ENPP2: variants seen among roughly 807,000 people sequenced by gnomAD.
ENPP2 encodes the protein autotaxin.
In ENPP2, 51 loss-of-function variants were observed where a neutral mutation model predicts 120.2. The observed-to-expected ratio is 0.42, with a 90% CI of 0.34 to 0.54. The LOEUF (loss-of-function observed/expected upper bound fraction) is 0.54. Ranked by LOEUF, ENPP2 falls within the 20% of genes least tolerant of loss-of-function variation. ENPP2 has a pLI of 0.04. For missense variants in ENPP2, 920 were observed against 1,066.5 expected, an observed-to-expected ratio of 0.86 and a Z score of 1.91; for synonymous variants, 365 against 366.4, an observed-to-expected ratio of 1.00 and a Z score of 0.04.
chr8:119,633,282 G>A (rs1587540741), intron 2 of ENPP2, among the ~76,000 whole-genome samples: 1 of 152,094 alleles, frequency 6.6e-6, no homozygotes, highest in East Asian at 1.9e-4. Flanking sequence ...ATTTAAGTTT[G>A]GAAACATTTA....
At chr8:119,582,285 T>C in intron 18 of ENPP2, 133 bp downstream of exon 18, 1 of 662,106 alleles carries the variant, frequency 1.5e-6, no homozygotes, top group Non-Finnish European at 2.6e-6. Flanking sequence ...AGTTCCTCAG[T>C]CACACTAGCC....
rs780821667 is a variant in ENPP2 at position 119,619,247 on chromosome 8, G to T, written c.476C>A (p.Ala159Glu). Reference sequence around the variant, plus strand: ...AATAGTCATAAAATACACTTACCCTGCAGGGCATTCTGCGGCCTTTATTTC... The same window carrying T: ...AATAGTCATAAAATACACTTACCCTTCAGGGCATTCTGCGGCCTTTATTTC... ...CEEIKAAECP[A>E]GFVRPPLIIF... Residue 159 changes from alanine (A) to glutamate (E), a missense_variant, in exon 5 of 25, where the codon GCA (alanine) becomes GAA (glutamate). Transcript: ENST00000075322. 6.2e-6 allele frequency: 10 copies of T among 1,607,920 alleles called. No individual in the cohort carries two copies. Among genetic ancestry groups the T allele is most frequent in the Non-Finnish European group, 8.5e-6 (10 of 1,174,750 alleles).
At chr8:119,640,298 G>T (rs1817238119), upstream of ENPP2, among the ~76,000 whole-genome samples, 1 of 152,178 alleles carries the variant, frequency 6.6e-6, no homozygotes, top group African/African-American at 2.4e-5. Flanking sequence ...CAAATTTGGA[G>T]TAGGGTATTT....
chr8:119,613,679 T>C (rs1815263043), intron 8 of ENPP2, among the ~76,000 whole-genome samples: 2 of 152,324 alleles, frequency 1.3e-5, no homozygotes, highest in Middle Eastern at 3.4e-3. Context: ...TTTTTTCTTA[T>C]AGTACTTTTA....
At chr8:119,652,182 C>T (rs1310243320) in intron 1 of ENPP2, among the ~76,000 whole-genome samples, 2 of 152,052 alleles carry the variant, frequency 1.3e-5, no homozygotes, top group African/African-American at 4.8e-5. Flanking sequence ...TCACTGTAAC[C>T]TCACATTATG....
intron 5 of ENPP2, among the ~76,000 whole-genome samples, chr8:119,618,650 A>T (rs1182339169): frequency 6.6e-6 from 1 of 151,014 alleles, no homozygotes; most frequent in African/African-American, 2.4e-5. Flanking sequence ...AGCGATTCTC[A>T]TGCCTCTGCC....
At chr8:119,569,920 T>A (rs548851644) in intron 20 of ENPP2, among the ~76,000 whole-genome samples, 1 of 152,250 alleles carries the variant, frequency 6.6e-6, no homozygotes, top group Admixed American at 6.5e-5. Context: ...TTGTGATATA[T>A]ACCTATTTAT....
intron 2 of ENPP2, among the ~76,000 whole-genome samples, chr8:119,628,700 A>T (rs1816449967): frequency 6.6e-6 from 1 of 152,216 alleles, no homozygotes; most frequent in African/African-American, 2.4e-5. Flanking sequence ...CTTTGTGTTT[A>T]AAAATAGAGA....
intron 1 of ENPP2, among the ~76,000 whole-genome samples, chr8:119,660,435 C>G (rs1817888386): frequency 6.6e-6 from 1 of 152,146 alleles, no homozygotes; most frequent in South Asian, 2.1e-4. Flanking sequence ...AGCCTGAGCA[C>G]TTTACCACTA....
At chr8:119,667,704 C>G (rs1818115259) in intron 1 of ENPP2, among the ~76,000 whole-genome samples, 1 of 152,220 alleles carries the variant, frequency 6.6e-6, no homozygotes, top group Non-Finnish European at 1.5e-5. Context: ...TAAGTGGTCT[C>G]TGTCTTACCA....
intron 2 of ENPP2, 89 bp downstream of exon 2, chr8:119,638,336 T>TA: frequency 1.4e-6 from 1 of 710,768 alleles, no homozygotes; most frequent in Non-Finnish European, 2.4e-6. Flanking sequence ...AAGATTGTAT[T>TA]AAAAATAAAT....
chr8:119,650,115 C>T (rs970908651), intron 1 of ENPP2, among the ~76,000 whole-genome samples: 2 of 152,050 alleles, frequency 1.3e-5, no homozygotes, highest in Non-Finnish European at 1.5e-5. Context: ...AATGGATAAA[C>T]GAAATGGGGT....
chr8:119,659,635 G>C (rs1470923984), intron 1 of ENPP2, among the ~76,000 whole-genome samples: 1 of 152,060 alleles, frequency 6.6e-6, no homozygotes, highest in Non-Finnish European at 1.5e-5. Flanking sequence ...TCCTAATCTG[G>C]TCAGATGATC....
chr8:119,562,421 C>T (rs1377508879), intron 24 of ENPP2, among the ~76,000 whole-genome samples: 13 of 152,030 alleles, frequency 8.6e-5, no homozygotes, highest in African/African-American at 1.7e-4. Context: ...CCAGCCTGGG[C>T]GACAGAGCTA....
intron 24 of ENPP2, 124 bp downstream of exon 24, chr8:119,562,733 C>CT (rs1450095502): frequency 5.0e-6 from 5 of 1,007,150 alleles, no homozygotes; most frequent in Non-Finnish European, 7.2e-6. Flanking sequence ...TGGTTCCTTT[C>CT]TTTTTTCTGT....
chr8:119,594,251 T>A (rs574895977), intron 11 of ENPP2, among the ~76,000 whole-genome samples: 1 of 152,336 alleles, frequency 6.6e-6, no homozygotes, highest in African/African-American at 2.4e-5. Flanking sequence ...GGCAAGAAGA[T>A]AGACGCTAAG....
intron 24 of ENPP2, among the ~76,000 whole-genome samples, chr8:119,558,586 G>A (rs779005720): frequency 6.6e-6 from 1 of 152,090 alleles, no homozygotes; most frequent in Non-Finnish European, 1.5e-5. Flanking sequence ...AAACTAAAAG[G>A]TAATTCAGGG....
At chr8:119,600,638 G>A (rs1563717860) in intron 11 of ENPP2, 40 bp downstream of exon 11, 2 of 1,280,306 alleles carry the variant, frequency 1.6e-6, no homozygotes, top group Non-Finnish European at 2.3e-6. Flanking sequence ...AGGTAGCCCA[G>A]GGCCACAGAT....
At chr8:119,654,406 G>A (rs1043420775) in intron 1 of ENPP2, among the ~76,000 whole-genome samples, 1 of 141,512 alleles carries the variant, frequency 7.1e-6, no homozygotes, top group African/African-American at 2.6e-5. Context: ...TTAATATCTA[G>A]ATATATAATA....
Sources: gnomAD v4.1 joint callset for allele counts (sites outside exome capture counted in the v4.1 genomes callset) on GRCh38, gnomAD v4.1.1 for gene constraint, MANE v1.5 for transcripts, NCBI Gene and HGNC (gene_info 2026-07-23, HGNC 2026-07-21) for gene names.